TRDN: variants seen among roughly 807,000 people sequenced by gnomAD.
TRDN encodes the protein triadin in skeletal muscle.
TRDN carries 161 observed loss-of-function variants against 149.7 expected under a neutral mutation model. That is an observed-to-expected ratio of 1.08 (90% confidence interval 0.95 to 1.23). The LOEUF (loss-of-function observed/expected upper bound fraction) is 1.23, where lower values mean the gene tolerates loss of function less well. TRDN is among the 50% of genes most tolerant of loss of function. The pLI is 0.00. For missense variants in TRDN, 896 were observed against 823.5 expected, an observed-to-expected ratio of 1.09 and a Z score of -1.08; for synonymous variants, 294 against 250.5, an observed-to-expected ratio of 1.17 and a Z score of -1.64.
chr6:123,231,868 T>C (rs905276271), intron 38 of TRDN, among the ~76,000 whole-genome samples: 1 of 151,968 alleles, frequency 6.6e-6, no homozygotes, highest in Non-Finnish European at 1.5e-5. Context: ...TATGTCTAAG[T>C]GACTAAAGAG....
At chr6:123,360,005 A>AT (rs1036019068) in intron 20 of TRDN, among the ~76,000 whole-genome samples, 9 of 151,640 alleles carry the variant, frequency 5.9e-5, no homozygotes, top group East Asian at 1.9e-4. Context: ...GTGAAGGGGA[A>AT]TTTTTTTTTA....
chr6:123,310,720 G>C (rs962468200), intron 24 of TRDN, among the ~76,000 whole-genome samples: 2 of 151,858 alleles, frequency 1.3e-5, no homozygotes, highest in Non-Finnish European at 2.9e-5. Context: ...CCAAGAGAAG[G>C]CAGCAGAAAA....
chr6:123,590,690 A>G (rs1356442894), intron 1 of TRDN, among the ~76,000 whole-genome samples: 2 of 152,148 alleles, frequency 1.3e-5, no homozygotes, highest in African/African-American at 4.8e-5. Flanking sequence ...TGAACTCTGG[A>G]AGCAGAGGTT....
chr6:123,616,428 T>A (rs1785088078), intron 1 of TRDN, among the ~76,000 whole-genome samples: 2 of 152,322 alleles, frequency 1.3e-5, no homozygotes, highest in East Asian at 3.9e-4. Context: ...TTTTAGTGCT[T>A]CATGCAGTGT....
chr6:123,457,084 C>T (rs949221955), intron 10 of TRDN, among the ~76,000 whole-genome samples: 30 of 152,288 alleles, frequency 2.0e-4, no homozygotes, highest in African/African-American at 5.1e-4. Flanking sequence ...AGATCAAATT[C>T]GCTCAAATTC....
intron 1 of TRDN, among the ~76,000 whole-genome samples, chr6:123,603,389 A>G (rs558663596): frequency 1.3e-5 from 2 of 152,106 alleles, no homozygotes; most frequent in African/African-American, 4.8e-5. Flanking sequence ...ATTTACATAT[A>G]TACCTGTTTT....
At position 123,216,842 on chromosome 6, in the gene TRDN, T is replaced by C. The variant is rs1419559899; in HGVS notation, c.*1759A>G. 1 of 151,960 alleles carries C rather than the reference T, an allele frequency of 6.6e-6. No homozygotes were observed. The highest frequency in any genetic ancestry group is 2.4e-5 in the African/African-American group (1 of 41,420). The allele number at this position is 151,960 out of a possible 1,614,324, so 9.4% of individuals were successfully genotyped here. A position where few individuals can be genotyped will look rare whatever the true frequency, so the allele number is the denominator to read the frequency against. ...TAACACAGCGCCCTAAAAGAGTAGG[T>C]ATTCAATAAACAGTCATTGAATGAA... On this transcript the variant is annotated 3_prime_UTR_variant, in exon 41 of 41. Coordinates refer to ENST00000334268, the MANE Select transcript of TRDN (RefSeq NM_006073.4).
intron 21 of TRDN, chr6:123,350,574 G>T: frequency 2.8e-6 from 2 of 712,476 alleles, no homozygotes; most frequent in African/African-American, 3.9e-5. Flanking sequence ...TAGAATATGG[G>T]ACAATTTATA....
intron 2 of TRDN, among the ~76,000 whole-genome samples, chr6:123,566,969 T>C (rs978719535): frequency 1.3e-5 from 2 of 152,210 alleles, no homozygotes; most frequent in African/African-American, 4.8e-5. Context: ...CTACCTATAA[T>C]TAGATTTTTA....
At chr6:123,478,066 A>G (rs918264494) in intron 9 of TRDN, among the ~76,000 whole-genome samples, 1 of 144,736 alleles carries the variant, frequency 6.9e-6, no homozygotes, top group African/African-American at 2.5e-5. Flanking sequence ...AATAATAAAA[A>G]AAAAGAAAAA....
intron 20 of TRDN, among the ~76,000 whole-genome samples, chr6:123,354,335 T>C (rs1254057706): frequency 1.3e-5 from 2 of 151,850 alleles, no homozygotes; most frequent in Non-Finnish European, 3.0e-5. Context: ...TTTTAAGGTC[T>C]AAGTGAAAAC....
chr6:123,355,035 T>C (rs971368810), intron 20 of TRDN, among the ~76,000 whole-genome samples: 3 of 151,802 alleles, frequency 2.0e-5, no homozygotes, highest in Non-Finnish European at 3.0e-5. Context: ...TACCTAATAA[T>C]GCCACATGCT....
chr6:123,273,420 A>G, intron 27 of TRDN, 57 bp from the exon 28 acceptor site: 1 of 806,088 alleles, frequency 1.2e-6, no homozygotes, highest in Non-Finnish European at 1.7e-6. Flanking sequence ...AGTATTTAAC[A>G]ATAACAAATA....
At chr6:123,498,968 C>T (rs926549189) in intron 8 of TRDN, among the ~76,000 whole-genome samples, 1 of 152,066 alleles carries the variant, frequency 6.6e-6, no homozygotes, top group Non-Finnish European at 1.5e-5. Context: ...GATTTTTGGG[C>T]TCCATCATCC....
At chr6:123,265,713 CTAA>C (rs1233574656) in intron 32 of TRDN, among the ~76,000 whole-genome samples, 3 of 147,188 alleles carry the variant, frequency 2.0e-5, no homozygotes, top group African/African-American at 4.9e-5. Context: ...TTAATTTATA[CTAA>C]TAATATTAAT....
chr6:123,444,429 A>G (rs1408197342), intron 10 of TRDN, among the ~76,000 whole-genome samples: 1 of 147,472 alleles, frequency 6.8e-6, no homozygotes, highest in African/African-American at 2.6e-5. Context: ...GGCTGAGACA[A>G]TGGGGTTTTC....
At chr6:123,489,402 C>A (rs182465138) in intron 9 of TRDN, 1 of 152,070 alleles carries the variant, frequency 6.6e-6, no homozygotes, top group African/African-American at 2.4e-5. Flanking sequence ...TCTCATTACA[C>A]TATCAGGGTC....
rs1304731877 is a variant in TRDN at position 123,372,641 on chromosome 6, T to C, written c.1273+2964A>G. The stretch of plus-strand genomic sequence containing the variant: ...CCAAGGTTCTGAAAAATAGTGATCC[T>C]TGATGTGATCATTGAAAGAGAAAGG... On this transcript the variant is annotated intron_variant, in intron 19 of 40. Coordinates refer to ENST00000334268, the MANE Select transcript of TRDN (RefSeq NM_006073.4). 3.9e-5 allele frequency among the ~76,000 whole-genome samples: 6 copies of C among 152,270 alleles called. No homozygotes were observed. The South Asian group carries it at 6.2e-4, about 16-fold the overall frequency.
At chr6:123,328,110 A>G (rs1779527852) in intron 23 of TRDN, among the ~76,000 whole-genome samples, 1 of 152,238 alleles carries the variant, frequency 6.6e-6, no homozygotes, top group South Asian at 2.1e-4. Context: ...ACATATGGAA[A>G]GGCATGTAAT....
Sources: gnomAD v4.1 joint callset for allele counts (sites outside exome capture counted in the v4.1 genomes callset) on GRCh38, gnomAD v4.1.1 for gene constraint, MANE v1.5 for transcripts, NCBI Gene and HGNC (gene_info 2026-07-23, HGNC 2026-07-21) for gene names.